Variants in SGK3 observed in about 807,000 individuals in gnomAD.
SGK3 encodes the protein serine/threonine-protein kinase Sgk3.
SGK3 carries 47 observed loss-of-function variants against 68.5 expected under a neutral mutation model. The observed-to-expected ratio is 0.69, with a 90% CI of 0.54 to 0.87. SGK3 has a LOEUF of 0.87. SGK3 is among the 40% of genes least tolerant of loss of function. The pLI, the probability that SGK3 is intolerant of heterozygous loss-of-function variation, is 0.00. For missense variants in SGK3, 479 were observed against 575.5 expected (o/e 0.83, Z 1.72); for synonymous variants, 181 against 189.1 (o/e 0.96, Z 0.35).
At chr8:66,716,749 A>G (rs1804645603) in intron 1 of SGK3, among the ~76,000 whole-genome samples, 1 of 152,182 alleles carries the variant, frequency 6.6e-6, no homozygotes, top group African/African-American at 2.4e-5. Flanking sequence ...ACATATAGGA[A>G]AGACCTATAT....
chr8:66,841,224 A>G, intron 13 of SGK3, 114 bp downstream of exon 13: 1 of 858,134 alleles, frequency 1.2e-6, no homozygotes. Context: ...CTGTCATTTC[A>G]GCTTCCAGCC....
At chr8:66,824,642 A>C (rs1808979840) in intron 6 of SGK3, among the ~76,000 whole-genome samples, 1 of 152,172 alleles carries the variant, frequency 6.6e-6, no homozygotes. Context: ...ACACAGAAAA[A>C]AGCAAAAGAT....
At chr8:66,716,766 A>G (rs1586663502) in intron 1 of SGK3, among the ~76,000 whole-genome samples, 1 of 152,306 alleles carries the variant, frequency 6.6e-6, no homozygotes, top group African/African-American at 2.4e-5. Flanking sequence ...ATATGAAATG[A>G]AAGTTTGAGA....
chr8:66,838,354 G>A (rs897833718), intron 10 of SGK3, among the ~76,000 whole-genome samples: 27 of 152,232 alleles, frequency 1.8e-4, no homozygotes, highest in African/African-American at 5.5e-4. Context: ...GTGAGCGACC[G>A]CACCTGGCTG....
intron 7 of SGK3, 88 bp from the exon 8 acceptor site, chr8:66,831,165 AT>A: frequency 6.7e-7 from 1 of 1,499,862 alleles, no homozygotes; most frequent in Non-Finnish European, 9.2e-7. Context: ...CCTAACATTT[AT>A]TTTTTAAAGA....
At chr8:66,834,231 T>C (rs375829083) in intron 8 of SGK3, among the ~76,000 whole-genome samples, 1 of 151,224 alleles carries the variant, frequency 6.6e-6, no homozygotes, top group Non-Finnish European at 1.5e-5. Context: ...CATAACAAAA[T>C]ATGAGAACTA....
chr8:66,767,928 C>T, intron 1 of SGK3: 1 of 1,033,662 alleles, frequency 9.7e-7, no homozygotes, highest in Non-Finnish European at 1.5e-6. Context: ...GTCCAGACCC[C>T]AGCTTCAGCC....
At chr8:66,761,307 G>GT (rs1182764752) in intron 1 of SGK3, among the ~76,000 whole-genome samples, 5 of 151,994 alleles carry the variant, frequency 3.3e-5, no homozygotes, top group East Asian at 1.9e-4. Context: ...TGATTTTTGG[G>GT]TTTTTTTGTT....
At chr8:66,831,442 C>T in intron 8 of SGK3, 131 bp downstream of exon 8, 1 of 1,068,004 alleles carries the variant, frequency 9.4e-7, no homozygotes, top group Non-Finnish European at 1.4e-6. Flanking sequence ...TGGGCTCAAG[C>T]CATCCTCCCA....
chr8:66,734,765 G>A (rs1805269054), intron 1 of SGK3, among the ~76,000 whole-genome samples: 1 of 151,928 alleles, frequency 6.6e-6, no homozygotes, highest in Non-Finnish European at 1.5e-5. Context: ...TGGCCAACAT[G>A]GTGAAATCCT....
chr8:66,839,850 T>A, intron 10 of SGK3, 153 bp from the exon 11 acceptor site: 1 of 631,370 alleles, frequency 1.6e-6, no homozygotes, highest in Non-Finnish European at 2.6e-6. Flanking sequence ...TGAAGGGGAG[T>A]CACATTTCTG....
chr8:66,744,538 T>G (rs1292518959), intron 1 of SGK3, among the ~76,000 whole-genome samples: 1 of 124,960 alleles, frequency 8.0e-6, no homozygotes, highest in African/African-American at 3.0e-5. Flanking sequence ...TTTTTTTTTT[T>G]TTTTTTTAGA....
At chr8:66,825,542 G>A (rs1341248520) in intron 6 of SGK3, among the ~76,000 whole-genome samples, 1 of 151,998 alleles carries the variant, frequency 6.6e-6, no homozygotes. Context: ...TATTAACCAG[G>A]ATGGTCTCCA....
At chr8:66,725,921 C>G (rs1012177904) in intron 1 of SGK3, among the ~76,000 whole-genome samples, 1 of 152,104 alleles carries the variant, frequency 6.6e-6, no homozygotes, top group African/African-American at 2.4e-5. Context: ...ATTGCAATTA[C>G]TGCAACATCA....
intron 1 of SGK3, among the ~76,000 whole-genome samples, chr8:66,757,617 TTAAA>T (rs1193591794): frequency 1.3e-5 from 2 of 151,362 alleles, no homozygotes; most frequent in Admixed American, 6.6e-5. Context: ...AAAAAAAAAA[TTAAA>T]TAAAAAAATA....
intron 1 of SGK3, among the ~76,000 whole-genome samples, chr8:66,725,458 A>AT (rs1385008309): frequency 4.6e-5 from 7 of 150,770 alleles, no homozygotes; most frequent in Admixed American, 1.3e-4. Context: ...AACTGGGTGG[A>AT]TAGGGATGGG....
chr8:66,722,927 C>G (rs1804837170), intron 1 of SGK3, among the ~76,000 whole-genome samples: 1 of 151,364 alleles, frequency 6.6e-6, no homozygotes, highest in Non-Finnish European at 1.5e-5. Context: ...GTGGTGAAGA[C>G]AGCACCAAGC....
intron 2 of SGK3, among the ~76,000 whole-genome samples, chr8:66,796,941 GTT>G (rs79807368): frequency 0.026 from 3,525 of 135,864 alleles, 134 homozygotes; most frequent in African/African-American, 0.085. Flanking sequence ...ATCTAATCTT[GTT>G]TTTTTTTTTT....
At chr8:66,839,534 TA>T in intron 10 of SGK3, among the ~76,000 whole-genome samples, 1 of 92,772 alleles carries the variant, frequency 1.1e-5, no homozygotes, top group East Asian at 3.4e-4. Context: ...TATATATATA[TA>T]TATATATATA....
Sources: allele counts gnomAD v4.1 joint callset (sites outside exome capture counted in the v4.1 genomes callset), GRCh38; gene constraint gnomAD v4.1.1; transcripts MANE v1.5; gene names NCBI Gene and HGNC (gene_info 2026-07-23, HGNC 2026-07-21).